OSBPL6: variants seen among roughly 807,000 people sequenced by gnomAD.
The protein encoded by OSBPL6 is oxysterol binding protein like 6, also known as oxysterol-binding protein-related protein 6.
In OSBPL6, 49 loss-of-function variants were observed where a neutral mutation model predicts 125.8. The ratio of observed to expected loss-of-function variants is 0.39; its 90% CI spans 0.31 to 0.49. The LOEUF (loss-of-function observed/expected upper bound fraction) is 0.49, where lower values mean the gene tolerates loss of function less well. Among genes scored for constraint, OSBPL6 ranks in the 20% least tolerant of loss-of-function variants. OSBPL6 has a pLI of 0.88. For synonymous variants in OSBPL6, 394 were observed against 391.8 expected (o/e 1.01, Z -0.07); for missense variants, 986 against 1,135.4 (o/e 0.87, Z 1.89).
At chr2:178,195,248 C>G (rs1290040250) in intron 1 of OSBPL6, among the ~76,000 whole-genome samples, 4 of 152,120 alleles carry the variant, frequency 2.6e-5, no homozygotes. Flanking sequence ...GCGGGGCACC[C>G]CTGCCCACCC....
At chr2:178,255,861 T>C (rs1311050107) in intron 1 of OSBPL6, among the ~76,000 whole-genome samples, 9 of 152,230 alleles carry the variant, frequency 5.9e-5, no homozygotes, top group Non-Finnish European at 1.3e-4. Context: ...TTCTGAATGT[T>C]AGAACTTTGG....
chr2:178,324,299 C>G (rs376361550), intron 4 of OSBPL6, 30 bp downstream of exon 4: 1 of 1,473,816 alleles, frequency 6.8e-7, no homozygotes, highest in South Asian at 1.2e-5. Flanking sequence ...GCTTTCTCTG[C>G]TGGCATGATG....
chr2:178,212,968 C>A (rs781490514), intron 1 of OSBPL6, among the ~76,000 whole-genome samples: 4 of 152,140 alleles, frequency 2.6e-5, no homozygotes, highest in Admixed American at 2.6e-4. Flanking sequence ...CCACCACACT[C>A]GGCTAATTTT....
At chr2:178,267,439 A>G (rs1252677193) in intron 1 of OSBPL6, among the ~76,000 whole-genome samples, 7 of 151,428 alleles carry the variant, frequency 4.6e-5, no homozygotes, top group Non-Finnish European at 1.0e-4. Flanking sequence ...TACCTTCCCC[A>G]CTTCACTTCT....
At chr2:178,339,815 C>G in intron 11 of OSBPL6, 51 bp downstream of exon 11, 2 of 1,396,222 alleles carry the variant, frequency 1.4e-6, no homozygotes, top group African/African-American at 1.5e-5. Context: ...TTTTAAAGTA[C>G]TAGTCTTTAT....
rs767116777 is a variant in OSBPL6, at chr2:178,332,652, A to G, written c.384A>G (p.Gly128=). 1.9e-6 allele frequency: 3 copies of G among 1,612,918 alleles called. No individual in the cohort carries two copies. The highest frequency in any genetic ancestry group is 2.5e-6 in the Non-Finnish European group (3 of 1,179,142). Residue 128 remains glycine, a synonymous_variant, in exon 7 of 25, where the codon GGA becomes GGG. Transcript: ENST00000190611. ...YSKAPLDIQK[G]KVHGSIDVGL... is the part of the protein sequence containing the mutation. ...TCTTTTGATTTCAGATTCAGAAAGG[A>G]AAGGTCCATGGGAGCATAGATGTGG... is the stretch of plus-strand genomic sequence containing the variant.
At chr2:178,338,066 T>C (rs75075682) in intron 9 of OSBPL6, among the ~76,000 whole-genome samples, 11,430 of 151,944 alleles carry the variant, frequency 0.075, 667 homozygotes, top group East Asian at 0.26. Context: ...CTCAGCCTTC[T>C]GAGTAGCTGG....
chr2:178,373,628 G>T (rs1258494639), intron 14 of OSBPL6, among the ~76,000 whole-genome samples: 3 of 152,162 alleles, frequency 2.0e-5, no homozygotes, highest in African/African-American at 7.2e-5. Context: ...ATTCATAGCG[G>T]CTTAACCTGA....
chr2:178,386,113 G>A (rs4404314), intron 19 of OSBPL6, among the ~76,000 whole-genome samples: 53,458 of 152,104 alleles, frequency 0.35, 10,706 homozygotes, highest in East Asian at 0.61. Context: ...TAGTTCCTTC[G>A]TGTTTGGAAG....
At chr2:178,285,587 C>CAAAAAG (rs1684622519) in intron 2 of OSBPL6, among the ~76,000 whole-genome samples, 1 of 152,218 alleles carries the variant, frequency 6.6e-6, no homozygotes, top group African/African-American at 2.4e-5. Flanking sequence ...GCTCATGAGA[C>CAAAAAG]TGAAATGGCT....
At chr2:178,205,598 A>G (rs2089484195) in intron 1 of OSBPL6, among the ~76,000 whole-genome samples, 1 of 152,298 alleles carries the variant, frequency 6.6e-6, no homozygotes, top group East Asian at 1.9e-4. Flanking sequence ...ACAATAGACA[A>G]ATGGGACTTT....
At chr2:178,213,113 G>A (rs563827552) in intron 1 of OSBPL6, among the ~76,000 whole-genome samples, 5 of 152,076 alleles carry the variant, frequency 3.3e-5, no homozygotes, top group African/African-American at 4.8e-5. Flanking sequence ...GGCCGAGCAC[G>A]GACCCTCTTG....
At chr2:178,338,553 CTG>C (rs1421896805) in intron 9 of OSBPL6, among the ~76,000 whole-genome samples, 6 of 152,140 alleles carry the variant, frequency 3.9e-5, no homozygotes, top group African/African-American at 1.4e-4. Context: ...TTAACTGATT[CTG>C]TATTCCGTCC....
At chr2:178,369,524 C>T (rs1018934126) in intron 13 of OSBPL6, among the ~76,000 whole-genome samples, 6 of 152,152 alleles carry the variant, frequency 3.9e-5, no homozygotes, top group Non-Finnish European at 4.4e-5. Flanking sequence ...GGTTAAGTAA[C>T]TTGGTGAAGA....
intron 1 of OSBPL6, among the ~76,000 whole-genome samples, chr2:178,225,738 T>C (rs558337701): frequency 6.6e-6 from 1 of 152,292 alleles, no homozygotes; most frequent in East Asian, 1.9e-4. Context: ...AAGAAAGAGC[T>C]TGTTCAGAGA....
intron 13 of OSBPL6, among the ~76,000 whole-genome samples, chr2:178,366,035 C>T (rs1692791473): frequency 6.6e-6 from 1 of 152,160 alleles, no homozygotes. Flanking sequence ...GTATTACAGG[C>T]ATGAACCACC....
chr2:178,195,358 T>A (rs2088822782), intron 1 of OSBPL6, among the ~76,000 whole-genome samples: 1 of 152,216 alleles, frequency 6.6e-6, no homozygotes, highest in Non-Finnish European at 1.5e-5. Flanking sequence ...GCGTTTGCAT[T>A]GCAGTCAAGA....
chr2:178,361,410 A>G (rs1020696361), intron 12 of OSBPL6, among the ~76,000 whole-genome samples: 2 of 152,150 alleles, frequency 1.3e-5, no homozygotes, highest in African/African-American at 4.8e-5. Flanking sequence ...CTTTGCATTG[A>G]TCTTGATATT....
intron 1 of OSBPL6, among the ~76,000 whole-genome samples, chr2:178,275,729 A>G (rs955988415): frequency 2.5e-5 from 2 of 80,066 alleles, no homozygotes; most frequent in African/African-American, 6.2e-5. Context: ...ACGGAGAAAA[A>G]AAAGAGGGAA....
Sources: allele counts gnomAD v4.1 joint callset (sites outside exome capture counted in the v4.1 genomes callset), GRCh38; gene constraint gnomAD v4.1.1; transcripts MANE v1.5; gene names NCBI Gene and HGNC (gene_info 2026-07-23, HGNC 2026-07-21).